Variants in PAK1 observed in about 807,000 individuals in gnomAD.
The protein encoded by PAK1 is serine/threonine-protein kinase PAK 1.
A neutral mutation model predicts 67.4 loss-of-function variants in PAK1; 29 were observed. That is an observed-to-expected ratio of 0.43 (90% confidence interval 0.32 to 0.59). PAK1 has a LOEUF of 0.59. Ranked by LOEUF, PAK1 falls within the 20% of genes least tolerant of loss-of-function variation. The probability of loss-of-function intolerance (pLI) is 0.07; values close to 1 mark genes in which losing one functional copy is unlikely to be tolerated. For missense variants in PAK1, 337 were observed against 670.7 expected, an observed-to-expected ratio of 0.50 and a Z score of 5.50; for synonymous variants, 223 against 237.4, an observed-to-expected ratio of 0.94 and a Z score of 0.56.
At chr11:77,364,916 G>T (rs1473169707) in intron 5 of PAK1, among the ~76,000 whole-genome samples, 2 of 152,128 alleles carry the variant, frequency 1.3e-5, no homozygotes, top group Non-Finnish European at 2.9e-5. Flanking sequence ...TCACCAGAGA[G>T]CTAAACAAGG....
chr11:77,496,599 G>A, the PAK1 span, among the ~76,000 whole-genome samples: 1 of 151,802 alleles, frequency 6.6e-6, no homozygotes, highest in Non-Finnish European at 1.5e-5. Context: ...GGATAACAGA[G>A]CAAGAACCTG....
At chr11:77,406,780 C>G (rs1445235922) in intron 1 of PAK1, among the ~76,000 whole-genome samples, 2 of 141,800 alleles carry the variant, frequency 1.4e-5, no homozygotes. Flanking sequence ...GATACGATTT[C>G]AAAGGAAAAA....
intron 5 of PAK1, among the ~76,000 whole-genome samples, chr11:77,372,060 A>G (rs1312652913): frequency 6.6e-6 from 1 of 152,214 alleles, no homozygotes; most frequent in Non-Finnish European, 1.5e-5. Context: ...TATGAAATGG[A>G]GATGACAATA....
chr11:77,473,376 G>C (rs1021321818), intron 1 of PAK1, 176 bp downstream of exon 1: 2 of 152,168 alleles, frequency 1.3e-5, no homozygotes, highest in African/African-American at 2.4e-5. Context: ...CGACGGGAGC[G>C]GGCCTCGCGG....
At chr11:77,414,131 CA>C (rs1031824649) in intron 1 of PAK1, among the ~76,000 whole-genome samples, 4 of 152,242 alleles carry the variant, frequency 2.6e-5, no homozygotes, top group African/African-American at 4.8e-5. Flanking sequence ...GGGCAAGTCA[CA>C]TTAAAGGCTT....
Position 77,349,306 on chromosome 11 carries a change from G to T in PAK1, c.837-19C>A. On this transcript the variant is annotated intron_variant, in intron 8 of 14. Transcript: ENST00000356341. ...TGAAGCACTGAACAGTAAGGTGGCG[G>T]AGAAAGAGGGAAAAAAACACAGTGT... is the stretch of plus-strand genomic sequence containing the variant. The T allele has an allele frequency of 6.3e-7, 1 of 1,585,490 alleles. No individual in the cohort carries two copies. Among genetic ancestry groups the T allele is most frequent in the Non-Finnish European group, 8.6e-7 (1 of 1,162,004 alleles).
the PAK1 span, among the ~76,000 whole-genome samples, chr11:77,512,801 T>G: frequency 6.6e-6 from 1 of 152,122 alleles, no homozygotes; most frequent in Admixed American, 6.6e-5. Context: ...ATAAAGAAAA[T>G]AAGGTTCCCA....
chr11:77,487,067 G>C, the PAK1 span, among the ~76,000 whole-genome samples: 1 of 152,178 alleles, frequency 6.6e-6, no homozygotes, highest in African/African-American at 2.4e-5. Flanking sequence ...GGAGAGGAGA[G>C]GGAAAAGTAA....
intron 1 of PAK1, among the ~76,000 whole-genome samples, chr11:77,407,021 G>A (rs988914213): frequency 3.3e-5 from 5 of 152,040 alleles, no homozygotes; most frequent in East Asian, 1.9e-4. Context: ...TAGCTATTAC[G>A]TGCCTACTAT....
intron 9 of PAK1, 67 bp downstream of exon 9, chr11:77,349,172 G>C (rs1743165430): frequency 8.2e-7 from 1 of 1,213,554 alleles, no homozygotes; most frequent in Non-Finnish European, 1.2e-6. Flanking sequence ...CCTAACAAGG[G>C]CTAAAAATTA....
chr11:77,456,772 C>T (rs992212859), intron 1 of PAK1, among the ~76,000 whole-genome samples: 11 of 151,460 alleles, frequency 7.3e-5, no homozygotes, highest in South Asian at 2.1e-4. Flanking sequence ...GACGGAGTCT[C>T]GCACTGCCAC....
At chr11:77,515,503 T>C in the PAK1 span, among the ~76,000 whole-genome samples, 1 of 152,228 alleles carries the variant, frequency 6.6e-6, no homozygotes, top group Non-Finnish European at 1.5e-5. Flanking sequence ...GATGGTTTTA[T>C]TAGACAACAA....
intron 1 of PAK1, among the ~76,000 whole-genome samples, chr11:77,445,706 A>G (rs1291432841): frequency 2.0e-5 from 3 of 152,188 alleles, no homozygotes; most frequent in Non-Finnish European, 2.9e-5. Context: ...ATTTCTCTTC[A>G]TGAGCTTTTT....
intron 1 of PAK1, among the ~76,000 whole-genome samples, chr11:77,410,762 G>A (rs7925753): frequency 0.013 from 2,023 of 151,906 alleles, 19 homozygotes; most frequent in Non-Finnish European, 0.02. Flanking sequence ...AAGACGTAGA[G>A]TCATGAAAAA....
At chr11:77,435,657 CTTTTTTTTTTT>C (rs35603502) in intron 1 of PAK1, among the ~76,000 whole-genome samples, 1 of 68,598 alleles carries the variant, frequency 1.5e-5, no homozygotes, top group African/African-American at 6.8e-5. Context: ...CTACACCTGG[CTTTTTTTTTTT>C]TTTTTTTTTT....
chr11:77,349,290 G>A lies in PAK1; in HGVS notation c.837-3C>T, dbSNP rs750421332. On this transcript the variant is annotated splice_polypyrimidine_tract_variant and splice_region_variant and intron_variant, in intron 8 of 14. Transcript: ENST00000356341. Reference sequence around the variant, plus strand: ...CTGTGTACACGGTGCCTGAAGCACTGAACAGTAAGGTGGCGGAGAAAGAGG... The same window carrying A: ...CTGTGTACACGGTGCCTGAAGCACTAAACAGTAAGGTGGCGGAGAAAGAGG... The A allele has an allele frequency of 5.0e-6, 8 of 1,597,130 alleles. No individual in the cohort carries two copies. In the South Asian group the frequency reaches 8.0e-5, roughly 16 times the overall value.
At chr11:77,478,334 A>C (rs1444437970), upstream of PAK1, among the ~76,000 whole-genome samples, 1 of 152,176 alleles carries the variant, frequency 6.6e-6, no homozygotes, top group African/African-American at 2.4e-5. Context: ...TCCTTTTGAC[A>C]CGTCCTCATC....
chr11:77,476,068 G>C (rs1176683197), upstream of PAK1: 2 of 152,240 alleles, frequency 1.3e-5, no homozygotes, highest in East Asian at 3.9e-4. Flanking sequence ...TACTCAGGAG[G>C]CTGAGGCAGG....
intron 1 of PAK1, among the ~76,000 whole-genome samples, chr11:77,464,265 CCT>C (rs1330669781): frequency 6.6e-6 from 1 of 152,166 alleles, no homozygotes; most frequent in African/African-American, 2.4e-5. Flanking sequence ...GCTTTTTCCC[CCT>C]CAGTGTTCTG....
Sources: allele counts gnomAD v4.1 joint callset (sites outside exome capture counted in the v4.1 genomes callset), GRCh38; gene constraint gnomAD v4.1.1; transcripts MANE v1.5; gene names NCBI Gene and HGNC (gene_info 2026-07-23, HGNC 2026-07-21).